PRPSAP2: variants seen among roughly 807,000 people sequenced by gnomAD.
PRPSAP2 encodes phosphoribosyl pyrophosphate synthetase associated protein 2.
PRPSAP2 carries 24 observed loss-of-function variants against 40.6 expected under a neutral mutation model. The ratio of observed to expected loss-of-function variants is 0.59; its 90% CI spans 0.43 to 0.83. The LOEUF (loss-of-function observed/expected upper bound fraction) is 0.83. PRPSAP2 is among the 40% of genes least tolerant of loss of function. PRPSAP2 has a pLI of 0.00. For synonymous variants in PRPSAP2, 149 were observed against 164.7 expected (o/e 0.90, Z 0.73); for missense variants, 292 against 465.6 (o/e 0.63, Z 3.43).
intron 8 of PRPSAP2, among the ~76,000 whole-genome samples, chr17:18,894,151 C>T (rs927970103): frequency 1.3e-5 from 2 of 151,760 alleles, no homozygotes; most frequent in African/African-American, 4.8e-5. Flanking sequence ...CCATGCAGGC[C>T]TCTATAGCTT....
At chr17:18,930,227 C>A (rs2042188761) in intron 11 of PRPSAP2, among the ~76,000 whole-genome samples, 1 of 152,028 alleles carries the variant, frequency 6.6e-6, no homozygotes, top group Non-Finnish European at 1.5e-5. Context: ...AAAAAAATTA[C>A]TTGAGCGTGG....
intron 8 of PRPSAP2, among the ~76,000 whole-genome samples, chr17:18,902,993 G>A (rs1269753563): frequency 6.6e-6 from 1 of 152,098 alleles, no homozygotes; most frequent in Non-Finnish European, 1.5e-5. Context: ...TGCAGGCAGG[G>A]CTGTGTTCCC....
rs142954607 is a variant in PRPSAP2 at position 18,894,763 on chromosome 17, G to A, written c.584+4886G>A. Among the ~76,000 whole-genome samples the A allele has an allele frequency of 3.9e-3, 590 of 152,274 alleles. 3 individuals carry two copies. The highest frequency in any genetic ancestry group is 0.013 in the African/African-American group (556 of 41,548). On this transcript the variant is annotated intron_variant, in intron 8 of 11. Transcript: ENST00000268835. ...CTCCCAAAGTGCTGGGATTACAGGCGTGAGTCACCACGCCCAGCCTTAATA... is the reference window on the plus strand; with the variant it reads ...CTCCCAAAGTGCTGGGATTACAGGCATGAGTCACCACGCCCAGCCTTAATA...
chr17:18,900,357 A>G (rs552928357), intron 8 of PRPSAP2, among the ~76,000 whole-genome samples: 1 of 152,114 alleles, frequency 6.6e-6, no homozygotes, highest in South Asian at 2.1e-4. Flanking sequence ...TTTTTTGTCA[A>G]TACTTTCTTT....
intron 6 of PRPSAP2, among the ~76,000 whole-genome samples, chr17:18,878,820 A>G (rs1463656694): frequency 6.6e-6 from 1 of 152,112 alleles, no homozygotes; most frequent in Non-Finnish European, 1.5e-5. Flanking sequence ...CTGGGATTAC[A>G]GGCGTAAGCC....
intron 8 of PRPSAP2, chr17:18,908,423 A>G: frequency 1.3e-6 from 1 of 758,560 alleles, no homozygotes. Context: ...AAAAATGCAG[A>G]CGAAACTGTT....
Position 18,911,808 on chromosome 17 carries a change from C to T in PRPSAP2, c.733+557C>T, listed in dbSNP as rs1189316818. On this transcript the variant is annotated intron_variant, in intron 9 of 11. Transcript: ENST00000268835. This position sits in a 1 kb window ranked among gnomAD's most constrained non-coding sequence, Gnocchi z 4.5. ...AGTTCAGGCTGCTGTGATGAAATAC[C>T]TTAGACTGGGTAATATAAACAACAA... Among the ~76,000 whole-genome samples the T allele has an allele frequency of 1.3e-5, 2 of 152,186 alleles. No homozygotes were observed.
intron 10 of PRPSAP2, 28 bp downstream of exon 10, chr17:18,924,012 C>G (rs777420130): frequency 1.3e-6 from 2 of 1,562,712 alleles, no homozygotes; most frequent in South Asian, 2.2e-5. Context: ...ATTATTAATT[C>G]TAGTATTTGC....
At chr17:18,890,619 T>C (rs931266522) in intron 8 of PRPSAP2, among the ~76,000 whole-genome samples, 4 of 152,188 alleles carry the variant, frequency 2.6e-5, no homozygotes, top group African/African-American at 9.6e-5. Context: ...ACCTCAATCA[T>C]ATTTCTTGAC....
At chr17:18,909,125 A>G (rs1346658701) in intron 8 of PRPSAP2, among the ~76,000 whole-genome samples, 1 of 152,180 alleles carries the variant, frequency 6.6e-6, no homozygotes, top group Non-Finnish European at 1.5e-5. Context: ...AGGAGAAAAC[A>G]AGACACAAAT....
intron 9 of PRPSAP2, among the ~76,000 whole-genome samples, chr17:18,914,187 AAAAG>A (rs2041148853): frequency 6.6e-6 from 1 of 151,186 alleles, no homozygotes; most frequent in Non-Finnish European, 1.5e-5. Flanking sequence ...CTCAAAAAAA[AAAAG>A]AAAAAAGAAA....
At chr17:18,861,094 T>G (rs2036972755) in intron 1 of PRPSAP2, among the ~76,000 whole-genome samples, 1 of 152,230 alleles carries the variant, frequency 6.6e-6, no homozygotes, top group South Asian at 2.1e-4. Context: ...GAGGATAGTC[T>G]TTATAACTCT....
chr17:18,880,970 A>G (rs570632844), intron 6 of PRPSAP2, among the ~76,000 whole-genome samples: 6 of 151,968 alleles, frequency 3.9e-5, no homozygotes, highest in Admixed American at 3.3e-4. Context: ...AGAAGCTGAG[A>G]TTACAGGCAC....
chr17:18,928,672 G>A, intron 10 of PRPSAP2, 139 bp from the exon 11 acceptor site: 2 of 1,086,104 alleles, frequency 1.8e-6, no homozygotes, highest in South Asian at 1.3e-5. Flanking sequence ...GGGACATGGG[G>A]CCATGCCGTC....
At chr17:18,891,197 T>A (rs2039525373) in intron 8 of PRPSAP2, among the ~76,000 whole-genome samples, 1 of 152,172 alleles carries the variant, frequency 6.6e-6, no homozygotes, top group Non-Finnish European at 1.5e-5. Flanking sequence ...GCTGGCAGTA[T>A]TGAAGGATGG....
At chr17:18,896,400 A>G (rs1019515643) in intron 8 of PRPSAP2, among the ~76,000 whole-genome samples, 1 of 152,042 alleles carries the variant, frequency 6.6e-6, no homozygotes, top group Admixed American at 6.6e-5. Context: ...GCATGTCTTC[A>G]ATTCTCCCAG....
intron 11 of PRPSAP2, 100 bp downstream of exon 11, chr17:18,929,057 G>T (rs2042118893): frequency 6.7e-7 from 1 of 1,486,850 alleles, no homozygotes; most frequent in Non-Finnish European, 9.0e-7. Flanking sequence ...ATCTTTTGTG[G>T]CTGAGAAACG....
intron 8 of PRPSAP2, among the ~76,000 whole-genome samples, chr17:18,893,306 AC>A (rs1424453963): frequency 3.3e-5 from 5 of 151,630 alleles, no homozygotes; most frequent in Non-Finnish European, 5.9e-5. Context: ...CCGCCACCAC[AC>A]CCGGCTAATT....
chr17:18,899,131 C>T (rs1212666745), intron 8 of PRPSAP2, among the ~76,000 whole-genome samples: 2 of 152,014 alleles, frequency 1.3e-5, no homozygotes, highest in African/African-American at 2.4e-5. Flanking sequence ...CTTGAACTTC[C>T]GACCTCAGGT....
Sources: gnomAD v4.1 joint callset for allele counts (sites outside exome capture counted in the v4.1 genomes callset) on GRCh38, gnomAD v4.1.1 for gene constraint, Gnocchi (gnomAD v3.1) non-coding constraint, MANE v1.5 for transcripts, NCBI Gene and HGNC (gene_info 2026-07-23, HGNC 2026-07-21) for gene names.